KIF1C: variants seen among roughly 807,000 people sequenced by gnomAD.
KIF1C encodes the protein kinesin family member 1C, also known as kinesin-like protein KIF1C.
KIF1C carries 61 observed loss-of-function variants against 126.5 expected under a neutral mutation model. The ratio of observed to expected loss-of-function variants is 0.48; its 90% CI spans 0.39 to 0.60. KIF1C has a LOEUF of 0.60. Ranked by LOEUF, KIF1C falls within the 20% of genes least tolerant of loss-of-function variation. The pLI is 0.00. For missense variants in KIF1C, 1,315 were observed against 1,489.2 expected (o/e 0.88, Z 1.93); for synonymous variants, 640 against 580.6 (o/e 1.10, Z -1.47).
intron 4 of KIF1C, 98 bp from the exon 5 acceptor site, chr17:5,001,124 G>T (rs924525544): frequency 2.3e-5 from 30 of 1,293,696 alleles, no homozygotes; most frequent in Non-Finnish European, 3.3e-5. Context: ...GACATTTGGG[G>T]AATCGTCAGT....
At chr17:4,998,464 C>G (rs1974451942) in intron 1 of KIF1C, among the ~76,000 whole-genome samples, 1 of 152,208 alleles carries the variant, frequency 6.6e-6, no homozygotes, top group African/African-American at 2.4e-5. Context: ...GCCCAGTATC[C>G]TCCTTGTACC....
At chr17:5,015,481 C>T (rs1373608570) in intron 18 of KIF1C, among the ~76,000 whole-genome samples, 3 of 151,428 alleles carry the variant, frequency 2.0e-5, no homozygotes, top group South Asian at 2.1e-4. Flanking sequence ...CGGGGTTTCT[C>T]CCATGTTGGT....
At position 5,020,019 on chromosome 17, in the gene KIF1C, G is replaced by A; in HGVS notation, c.1690G>A (p.Glu564Lys). 1 of 1,605,560 alleles carries A rather than the reference G, an allele frequency of 6.2e-7. No homozygotes were observed. The highest frequency in any genetic ancestry group is 8.5e-7 in the Non-Finnish European group (1 of 1,175,964). The change falls in exon 19 of 23, where the codon GAA (glutamate) becomes AAA (lysine). Residue 564 changes from glutamate to lysine, a missense_variant. Physicochemically the swap from Glu to Lys is moderately conservative, Grantham distance 56 (BLOSUM62 1). Transcript: ENST00000320785. This position sits in a 1 kb window ranked among gnomAD's most constrained non-coding sequence, Gnocchi z 5.8. ...AGTGGTGGTCACTCTGGAGCCTTGTGAAGGAGCTGAGACATATGTGAATGG... is the reference window on the plus strand; with the variant it reads ...AGTGGTGGTCACTCTGGAGCCTTGTAAAGGAGCTGAGACATATGTGAATGG... ...GEVVVTLEPC[E>K]GAETYVNGKL...
intron 6 of KIF1C, 86 bp from the exon 7 acceptor site, chr17:5,002,378 T>G: frequency 1.5e-6 from 2 of 1,307,140 alleles, no homozygotes; most frequent in Non-Finnish European, 2.1e-6. Context: ...TGCAGTCACC[T>G]GGATCGTGTC....
Position 5,010,593 on chromosome 17 carries a change from A to G in KIF1C, c.1491+3051A>G, listed in dbSNP as rs192205305. Among the ~76,000 whole-genome samples, 920 of 151,708 alleles carry G rather than the reference A, an allele frequency of 6.1e-3. 9 individuals are homozygous for G. The highest frequency in any genetic ancestry group is 0.02 in the African/African-American group (816 of 41,420). ...GAAACCCCATCTCTACTAAAATAGAAAAAATTAGCCGGGCGTGGTGGCGGG... is the reference window on the plus strand; with the variant it reads ...GAAACCCCATCTCTACTAAAATAGAGAAAATTAGCCGGGCGTGGTGGCGGG... On this transcript the variant is annotated intron_variant, in intron 16 of 22. Coordinates refer to ENST00000320785, the MANE Select transcript of KIF1C (RefSeq NM_006612.6).
Position 5,000,955 on chromosome 17 carries a change from G to C in KIF1C, c.183+107G>C, listed in dbSNP as rs966174412. ...GGACCCCCAGGGGATTAGTCAGGGT[G>C]AATTGGGAGGATGATCCTGGGTGGG... On this transcript the variant is annotated intron_variant, in intron 4 of 22. Transcript: ENST00000320785. 29 of 1,173,200 alleles carry C rather than the reference G, an allele frequency of 2.5e-5. No homozygotes were observed. The Admixed American group carries it at 3.3e-4, about 14-fold the overall frequency. 72.7% of individuals were successfully genotyped at this position (1,173,200 alleles called of 1,614,324 possible).
At chr17:5,012,141 C>G (rs1356359490) in intron 16 of KIF1C, 1 of 152,278 alleles carries the variant, frequency 6.6e-6, no homozygotes, top group Non-Finnish European at 1.5e-5. Context: ...CCTCCCCTAG[C>G]TGACTCTCAT....
In KIF1C at chr17:5,020,694, C is replaced by T; in HGVS notation, c.1937+16C>T. 1.2e-6 allele frequency: 2 copies of T among 1,612,066 alleles called. No homozygotes were observed. Among genetic ancestry groups the T allele is most frequent in the Non-Finnish European group, 1.7e-6 (2 of 1,178,434 alleles). The stretch of plus-strand genomic sequence containing the variant: ...TGGAGAAGAGGTGCGAGGGGGTTAC[C>T]CACGTGCCCCATGGCCGTCTAGGCC... On this transcript the variant is annotated intron_variant, in intron 20 of 22. Transcript: ENST00000320785. This position sits in a 1 kb window ranked among gnomAD's most constrained non-coding sequence, Gnocchi z 5.8.
In KIF1C at chr17:5,024,409, T is replaced by G; in HGVS notation, c.*258T>G. On this transcript the variant is annotated 3_prime_UTR_variant, in exon 23 of 23. Transcript: ENST00000320785. ...GGGGCCACCCCTTGCAAAGGGGGTG[T>G]GTCCCACAAACGCTGCTATGGGTGG... The G allele has an allele frequency of 2.6e-6, 1 of 379,888 alleles. No individual in the cohort carries two copies. Among genetic ancestry groups the G allele is most frequent in the Non-Finnish European group, 4.7e-6 (1 of 213,018 alleles). 23.5% of individuals were successfully genotyped at this position (379,888 alleles called of 1,614,324 possible). A position where few individuals can be genotyped will look rare whatever the true frequency, so the allele number is the denominator to read the frequency against.
In KIF1C at chr17:5,023,513, C is replaced by T. The variant is rs561679213; in HGVS notation, c.2674C>T (p.Pro892Ser). The change falls in exon 23 of 23, where the codon CCG becomes TCG. Residue 892 changes from proline (P) to serine (S), a missense_variant. This residue lies in a region of KIF1C where 441 missense variants were observed against 436.1 expected (regional missense o/e 1.01). Transcript: ENST00000320785. This position sits in a 1 kb window ranked among gnomAD's most constrained non-coding sequence, Gnocchi z 4.2. ...AGAAGGTGGTGAGGTCCCCTGGGCC[C>T]CGCCTGAAGGATCAGAGGCAGCAGA... ...NEEGGEVPWA[P>S]PEGSEAAEEA... 284 of 1,614,092 alleles carry T rather than the reference C, an allele frequency of 1.8e-4. 1 individual carries two copies. In the South Asian group the frequency reaches 2.9e-3, roughly 17 times the overall value.
chr17:5,023,515 G>A lies in KIF1C; in HGVS notation c.2676G>A (p.Pro892=), dbSNP rs200822779. The change falls in exon 23 of 23, where the codon CCG becomes CCA. Residue 892 remains proline, a synonymous_variant. Coordinates refer to ENST00000320785, the MANE Select transcript of KIF1C (RefSeq NM_006612.6). This position sits in a 1 kb window ranked among gnomAD's most constrained non-coding sequence, Gnocchi z 4.2. ...AAGGTGGTGAGGTCCCCTGGGCCCCGCCTGAAGGATCAGAGGCAGCAGAGG... is the reference window on the plus strand; with the variant it reads ...AAGGTGGTGAGGTCCCCTGGGCCCCACCTGAAGGATCAGAGGCAGCAGAGG... ...NEEGGEVPWA[P]PEGSEAAEEA... 159 of 1,614,014 alleles carry A rather than the reference G, an allele frequency of 9.9e-5. No homozygotes were observed. Among genetic ancestry groups the A allele is most frequent in the Non-Finnish European group, 1.2e-4 (136 of 1,179,994 alleles).
rs375498085 is a variant in KIF1C at position 5,014,711 on chromosome 17, A to G, written c.1572-32A>G. On this transcript the variant is annotated intron_variant, in intron 17 of 22. Transcript: ENST00000320785. The stretch of plus-strand genomic sequence containing the variant: ...GAGGGGCTTGGTTAAAGTCTGGCAC[A>G]TGCTCACAAACGTTGGCCATTGCTT... 3.3e-6 allele frequency: 5 copies of G among 1,518,298 alleles called. No homozygotes were observed. In the African/African-American group the frequency reaches 5.5e-5, roughly 17 times the overall value. 94.1% of individuals were successfully genotyped at this position (1,518,298 alleles called of 1,614,324 possible).
chr17:4,999,909 C>T lies in KIF1C; in HGVS notation c.-89C>T, dbSNP rs1259923764. 3.3e-6 allele frequency: 1 copy of T among 298,942 alleles called. No homozygotes were observed. The highest frequency in any genetic ancestry group is 6.4e-6 in the Non-Finnish European group (1 of 155,792). The allele number at this position is 298,942 out of a possible 1,614,324, so 18.5% of individuals were successfully genotyped here. ...CCCCAGGAGTAGGATGGGGCTCCCC[C>T]TACGAGGGCCGGTGGCAGCCAGAAC... On this transcript the variant is annotated 5_prime_UTR_variant, in exon 2 of 23. Coordinates refer to ENST00000320785, the MANE Select transcript of KIF1C (RefSeq NM_006612.6).
intron 17 of KIF1C, chr17:5,014,379 A>G (rs1052785759): frequency 2.0e-4 from 45 of 219,704 alleles, no homozygotes; most frequent in Non-Finnish European, 1.1e-4. Context: ...ATGGCTGCTG[A>G]GGGTTAGCCA....
intron 16 of KIF1C, 100 bp from the exon 17 acceptor site, chr17:5,013,552 AG>A (rs1974910419): frequency 1.3e-6 from 1 of 789,622 alleles, no homozygotes; most frequent in Non-Finnish European, 2.2e-6. Flanking sequence ...CGCAGCTGGC[AG>A]TGCCAGGACT....
chr17:5,009,324 C>T (rs147603268), intron 16 of KIF1C, among the ~76,000 whole-genome samples: 2 of 151,944 alleles, frequency 1.3e-5, no homozygotes, highest in African/African-American at 2.4e-5. Flanking sequence ...GGATTACAGG[C>T]GCACACCATC....
At position 5,027,075 on chromosome 17, in the gene KIF1C, A is replaced by G. The variant is rs1169148374; in HGVS notation, c.*2924A>G. On this transcript the variant is annotated 3_prime_UTR_variant, in exon 23 of 23. Coordinates refer to ENST00000320785, the MANE Select transcript of KIF1C (RefSeq NM_006612.6). ...AGTCTTTAAAGTACCCCGGTAAAAT[A>G]GGTCTTTTGTCTGCATTTTTCAGAT... The G allele has an allele frequency of 1.3e-5, 2 of 152,166 alleles. No homozygotes were observed. The highest frequency in any genetic ancestry group is 2.9e-5 in the Non-Finnish European group (2 of 68,034). 9.4% of individuals were successfully genotyped at this position (152,166 alleles called of 1,614,324 possible).
At chr17:5,007,723 C>T (rs1264263236) in intron 16 of KIF1C, among the ~76,000 whole-genome samples, 181 bp downstream of exon 16, 1 of 152,160 alleles carries the variant, frequency 6.6e-6, no homozygotes, top group South Asian at 2.1e-4. Context: ...TCATCCCTGC[C>T]TTCTCCCTTC....
At chr17:5,009,514 C>T (rs1298783349) in intron 16 of KIF1C, among the ~76,000 whole-genome samples, 1 of 151,582 alleles carries the variant, frequency 6.6e-6, no homozygotes, top group Non-Finnish European at 1.5e-5. Context: ...TTGGGTCGGG[C>T]CTGGTGGCTC....
Sources: gnomAD v4.1 joint callset for allele counts (sites outside exome capture counted in the v4.1 genomes callset) on GRCh38, gnomAD v4.1.1 for gene constraint, gnomAD v4.1.1 regional missense constraint, Gnocchi (gnomAD v3.1) non-coding constraint, MANE v1.5 for transcripts, NCBI Gene and HGNC (gene_info 2026-07-23, HGNC 2026-07-21) for gene names.